DSG2: variants seen among roughly 807,000 people sequenced by gnomAD.
DSG2 encodes the protein desmoglein-2.
DSG2 carries 45 observed loss-of-function variants against 75.6 expected under a neutral mutation model. The ratio of observed to expected loss-of-function variants is 0.60; its 90% confidence interval spans 0.47 to 0.76. The LOEUF is 0.76. DSG2 is among the 30% of genes least tolerant of loss of function. The probability of loss-of-function intolerance (pLI) is 0.00; values close to 1 mark genes in which losing one functional copy is unlikely to be tolerated. For synonymous variants in DSG2, 429 were observed against 483.9 expected, an observed-to-expected ratio of 0.89 and a Z score of 1.49; for missense variants, 1,267 against 1,357.4, an observed-to-expected ratio of 0.93 and a Z score of 1.05.
intron 1 of DSG2, among the ~76,000 whole-genome samples, chr18:31,511,180 C>G (rs967961594): frequency 6.6e-6 from 1 of 152,198 alleles, no homozygotes; most frequent in Non-Finnish European, 1.5e-5. Flanking sequence ...GAAACGCAGC[C>G]ATGGTGTCTT....
chr18:31,517,706 C>T (rs545543360), intron 1 of DSG2, among the ~76,000 whole-genome samples: 1 of 152,106 alleles, frequency 6.6e-6, no homozygotes, highest in Non-Finnish European at 1.5e-5. Flanking sequence ...CCAAGTGTGA[C>T]AGTGCCTATG....
chr18:31,547,257 G>T lies in DSG2; in HGVS notation c.*514G>T, dbSNP rs1342945545. 6.8e-5 allele frequency: 15 copies of T among 222,106 alleles called. No homozygotes were observed. The highest frequency in any genetic ancestry group is 3.0e-4 in the South Asian group (4 of 13,128). 13.8% of individuals were successfully genotyped at this position (222,106 alleles called of 1,614,324 possible). ...GCTATGGTGCTCATAACTTCTTTAA[G>T]ACTTGAACCCTTTCAATCTGTGTGA... On this transcript the variant is annotated 3_prime_UTR_variant, in exon 15 of 15. Transcript: ENST00000261590.
chr18:31,527,780 C>T (rs2073171383), intron 8 of DSG2, among the ~76,000 whole-genome samples: 1 of 152,204 alleles, frequency 6.6e-6, no homozygotes, highest in South Asian at 2.1e-4. Context: ...TTATTAACAA[C>T]AGAAATTTAT....
At chr18:31,519,487 C>T (rs926540586) in intron 2 of DSG2, among the ~76,000 whole-genome samples, 8 of 152,042 alleles carry the variant, frequency 5.3e-5, no homozygotes, top group African/African-American at 9.7e-5. Flanking sequence ...TGGCTTGATC[C>T]GGGGAAGTCA....
chr18:31,539,029 C>T, intron 12 of DSG2, 51 bp downstream of exon 12: 1 of 1,514,054 alleles, frequency 6.6e-7, no homozygotes, highest in South Asian at 1.1e-5. Context: ...TGAGTGCACT[C>T]CTGGAGATGT....
chr18:31,529,894 AT>A (rs2073184045), intron 8 of DSG2, among the ~76,000 whole-genome samples: 1 of 152,244 alleles, frequency 6.6e-6, no homozygotes, highest in Non-Finnish European at 1.5e-5. Flanking sequence ...TGAGAGCAGT[AT>A]TAATTACATT....
intron 2 of DSG2, 147 bp from the exon 3 acceptor site, chr18:31,519,656 T>C (rs1175476955): frequency 8.8e-6 from 7 of 798,562 alleles, no homozygotes; most frequent in Admixed American, 2.3e-5. Flanking sequence ...ATATATATAT[T>C]CCCTTTTAGA....
chr18:31,522,336 T>G, intron 6 of DSG2, 87 bp downstream of exon 6: 14 of 1,317,870 alleles, frequency 1.1e-5, no homozygotes, highest in Non-Finnish European at 1.5e-5. Context: ...TTTCTTATTT[T>G]GTTCTGTATT....
Position 31,542,787 on chromosome 18 carries a change from A to G in DSG2, c.2269A>G (p.Met757Val). The G allele has an allele frequency of 1.3e-6, 2 of 1,551,720 alleles. No homozygotes were observed. ...AAGGGCCACAGGGGCTTCCAGAGACATGGCCGGAGCTCAGGCAGCTGCTGT... is the reference window on the plus strand; with the variant it reads ...AAGGGCCACAGGGGCTTCCAGAGACGTGGCCGGAGCTCAGGCAGCTGCTGT... The part of the protein sequence containing the change: ...TARATGASRD[M>V]AGAQAAAVAL... Residue 757 changes from methionine to valine, a missense_variant, in exon 14 of 15, where the codon ATG becomes GTG. Coordinates refer to ENST00000261590, the MANE Select transcript of DSG2 (RefSeq NM_001943.5).
chr18:31,517,506 A>G (rs9949695), intron 1 of DSG2, among the ~76,000 whole-genome samples: 22,741 of 152,252 alleles, frequency 0.15, 2,165 homozygotes, highest in African/African-American at 0.27. Flanking sequence ...TATACTAATT[A>G]TCTTTACAAA....
chr18:31,528,729 T>A (rs769108823), intron 8 of DSG2, among the ~76,000 whole-genome samples: 12 of 147,626 alleles, frequency 8.1e-5, no homozygotes, highest in Non-Finnish European at 1.0e-4. Context: ...AAAAAAAAAA[T>A]TTGCTGATTA....
In DSG2 at chr18:31,546,992, A is replaced by T. The variant is rs780607833; in HGVS notation, c.*249A>T. The T allele has an allele frequency of 1.8e-6, 1 of 560,582 alleles. No homozygotes were observed. Among genetic ancestry groups the T allele is most frequent in the Non-Finnish European group, 3.2e-6 (1 of 311,772 alleles). 34.7% of individuals were successfully genotyped at this position (560,582 alleles called of 1,614,324 possible). On this transcript the variant is annotated 3_prime_UTR_variant, in exon 15 of 15. Transcript: ENST00000261590. The stretch of plus-strand genomic sequence containing the variant: ...CTGCTTAGGTGCCTTTTAGCAAGCT[A>T]TGCAAACAATCCTGATAAAACAAGA...
chr18:31,519,462 G>A (rs748167863), intron 2 of DSG2, among the ~76,000 whole-genome samples: 23 of 152,150 alleles, frequency 1.5e-4, no homozygotes, highest in Admixed American at 4.6e-4. Context: ...TTCTTAGGAG[G>A]CTGAGGCAGG....
intron 13 of DSG2, among the ~76,000 whole-genome samples, 178 bp downstream of exon 13, chr18:31,541,492 G>C (rs1372892089): frequency 6.6e-6 from 1 of 152,218 alleles, no homozygotes; most frequent in Non-Finnish European, 1.5e-5. Flanking sequence ...TGCTGGGGCA[G>C]AATTGAGATA....
At chr18:31,529,516 T>G (rs956172302) in intron 8 of DSG2, among the ~76,000 whole-genome samples, 1 of 152,162 alleles carries the variant, frequency 6.6e-6, no homozygotes, top group Non-Finnish European at 1.5e-5. Flanking sequence ...AGTCTTTTTC[T>G]CCTGTGTCCT....
chr18:31,518,203 T>C lies in DSG2; in HGVS notation c.46-36T>C, dbSNP rs201937309. The C allele has an allele frequency of 1.6e-3, 2,480 of 1,549,356 alleles. 1 individual carries two copies. Among genetic ancestry groups the C allele is most frequent in the Non-Finnish European group, 1.7e-3 (1,945 of 1,121,668 alleles). On this transcript the variant is annotated intron_variant, in intron 1 of 14. Coordinates refer to ENST00000261590, the MANE Select transcript of DSG2 (RefSeq NM_001943.5). ...AATGTTTTCACACTGAATTGAGCAG[T>C]AAATTGGCTAAATATCAAATAATTT...
At chr18:31,545,314 A>C (rs1373567613) in intron 14 of DSG2, among the ~76,000 whole-genome samples, 3 of 152,206 alleles carry the variant, frequency 2.0e-5, no homozygotes, top group Non-Finnish European at 4.4e-5. Flanking sequence ...TCACTGACAC[A>C]CATTCACACA....
chr18:31,525,596 CTT>C (rs2073158548), intron 8 of DSG2, among the ~76,000 whole-genome samples: 1 of 151,728 alleles, frequency 6.6e-6, no homozygotes, highest in Non-Finnish European at 1.5e-5. Context: ...GCTGTGATAA[CTT>C]GATAGTTAAG....
chr18:31,513,710 G>A (rs911977115), intron 1 of DSG2, among the ~76,000 whole-genome samples: 1 of 152,174 alleles, frequency 6.6e-6, no homozygotes, highest in African/African-American at 2.4e-5. Context: ...TCTGCCCTGA[G>A]GATGGGTTAG....
Sources: allele counts gnomAD v4.1 joint callset (sites outside exome capture counted in the v4.1 genomes callset), GRCh38; gene constraint gnomAD v4.1.1; transcripts MANE v1.5; gene names NCBI Gene and HGNC (gene_info 2026-07-23, HGNC 2026-07-21).